The following ANK3 variants were observed in gnomAD, a reference collection of about 807,000 sequenced individuals.
The protein encoded by ANK3 is ankyrin-3.
In ANK3, 57 loss-of-function variants were observed where a neutral mutation model predicts 370.9. The ratio of observed to expected loss-of-function variants is 0.15; its 90% CI spans 0.12 to 0.19. ANK3 has a LOEUF of 0.19. ANK3 is among the 10% of genes least tolerant of loss of function. The pLI is 1.00. For missense variants in ANK3, 4,439 were observed against 5,302.1 expected (o/e 0.84, Z 5.06); for synonymous variants, 1,929 against 1,946.3 (o/e 0.99, Z 0.23).
At chr10:60,162,405 T>A (rs1466650256) in intron 23 of ANK3, among the ~76,000 whole-genome samples, 1 of 152,168 alleles carries the variant, frequency 6.6e-6, no homozygotes, top group Admixed American at 6.5e-5. Flanking sequence ...CAATGTGTAT[T>A]TGGGCTTTCC....
chr10:60,382,797 C>CTATATATATATATATATATATATATA (rs5785442), intron 1 of ANK3, among the ~76,000 whole-genome samples: 2 of 133,744 alleles, frequency 1.5e-5, no homozygotes, highest in African/African-American at 2.7e-5. Flanking sequence ...ATACCTAAAT[C>CTATATATATATATATATATATATATA]TATATATATA....
At chr10:60,176,053 C>A (rs947652460) in intron 18 of ANK3, among the ~76,000 whole-genome samples, 1 of 151,878 alleles carries the variant, frequency 6.6e-6, no homozygotes, top group African/African-American at 2.4e-5. Context: ...AAAGATCAGG[C>A]CGGGTGTGGT....
chr10:60,284,314 T>C (rs2098211966), intron 1 of ANK3, among the ~76,000 whole-genome samples: 1 of 152,148 alleles, frequency 6.6e-6, no homozygotes, highest in African/African-American at 2.4e-5. Flanking sequence ...TAATACATTT[T>C]GATTATTTTA....
intron 43 of ANK3, among the ~76,000 whole-genome samples, chr10:60,032,602 C>T (rs767598664): frequency 1.1e-4 from 17 of 152,112 alleles, no homozygotes; most frequent in Admixed American, 2.0e-4. Context: ...AGGTTAATTT[C>T]GTAATGAGTA....
intron 2 of ANK3, among the ~76,000 whole-genome samples, chr10:60,475,638 C>T (rs925263848): frequency 3.9e-5 from 6 of 152,110 alleles, no homozygotes; most frequent in Admixed American, 2.6e-4. Context: ...GATCAGGAAA[C>T]AAAACCCAGT....
chr10:60,183,324 T>C (rs1381480064), intron 17 of ANK3, among the ~76,000 whole-genome samples: 1 of 152,230 alleles, frequency 6.6e-6, no homozygotes, highest in Non-Finnish European at 1.5e-5. Context: ...TTGATTTTTA[T>C]ATAACCAGTG....
intron 1 of ANK3, among the ~76,000 whole-genome samples, chr10:60,289,194 T>A (rs79852982): frequency 1.4e-3 from 208 of 151,662 alleles, no homozygotes; most frequent in African/African-American, 4.9e-3. Context: ...AAGATTAAGA[T>A]CTCAAGGCCA....
At chr10:60,352,382 A>G (rs1210709793) in intron 1 of ANK3, among the ~76,000 whole-genome samples, 1 of 152,166 alleles carries the variant, frequency 6.6e-6, no homozygotes, top group Non-Finnish European at 1.5e-5. Context: ...TTGCCTTTGG[A>G]CTTCATTCAC....
At chr10:60,076,930 C>T (rs1460213455) in intron 36 of ANK3, among the ~76,000 whole-genome samples, 2 of 152,184 alleles carry the variant, frequency 1.3e-5, no homozygotes, top group African/African-American at 4.8e-5. Flanking sequence ...CCTCTCTCTC[C>T]TTTAGCCTTT....
intron 1 of ANK3, among the ~76,000 whole-genome samples, chr10:60,298,990 T>C (rs772551365): frequency 6.6e-6 from 1 of 152,122 alleles, no homozygotes; most frequent in Non-Finnish European, 1.5e-5. Flanking sequence ...TTTGGATGGG[T>C]AAGTTGATTA....
rs41274674 is a variant in ANK3, at chr10:60,072,868, G to A, written c.8013C>T (p.Ser2671=). The change falls in exon 37 of 44, where the codon AGC becomes AGT. Residue 2671 remains serine (S), a synonymous_variant. Coordinates refer to ENST00000280772, the MANE Select transcript of ANK3 (RefSeq NM_020987.5). The stretch of plus-strand genomic sequence containing the variant: ...GGGAGAGAACCATCTTCTCTGGGCT[G>A]CTGGGCAGACTGGGTGCCTTCTCCT... The part of the protein sequence containing the change: ...KAEEKAPSLP[S]SPEKMVLSQQ... 0.041 allele frequency: 65,606 copies of A among 1,614,026 alleles called. 1,508 individuals are homozygous for A. Among genetic ancestry groups the A allele is most frequent in the African/African-American group, 0.059 (4,448 of 74,978 alleles).
chr10:60,278,723 ATTGT>A (rs2098123515), intron 4 of ANK3, 47 bp downstream of exon 4: 4 of 1,437,568 alleles, frequency 2.8e-6, no homozygotes, highest in South Asian at 2.3e-5. Flanking sequence ...CCCAAAGAAC[ATTGT>A]TTGTAAATGA....
rs980421244 is a variant in ANK3 at position 60,166,763 on chromosome 10, G to C, written c.2551+61C>G. On this transcript the variant is annotated intron_variant, in intron 22 of 43. Coordinates refer to ENST00000280772, the MANE Select transcript of ANK3 (RefSeq NM_020987.5). ...ACATTTTTGCAATGGACTTTCTTCAGGAAACAAACAAAATACACAGTCACT... is the reference window on the plus strand; with the variant it reads ...ACATTTTTGCAATGGACTTTCTTCACGAAACAAACAAAATACACAGTCACT... 3 of 1,596,748 alleles carry C rather than the reference G, an allele frequency of 1.9e-6. No individual in the cohort carries two copies. The African/African-American group carries it at 4.0e-5, about 21-fold the overall frequency.
chr10:60,665,177 T>G lies in ANK3; in HGVS notation c.58-49953A>C, dbSNP rs371613183. On this transcript the variant is annotated intron_variant, in intron 1 of 43. Transcript: ENST00000373827. ...CAATAAAATGAGGACAATACCTTCT[T>G]GAGGAACACTGGGGGCACAAAACAC... 1.5e-3 allele frequency among the ~76,000 whole-genome samples: 233 copies of G among 152,246 alleles called. 7 individuals are homozygous for G. In the South Asian group the frequency reaches 0.048, roughly 31 times the overall value.
At chr10:60,141,570 T>TTTTG (rs1565274373) in intron 23 of ANK3, among the ~76,000 whole-genome samples, 3 of 60,386 alleles carry the variant, frequency 5.0e-5, no homozygotes, top group Non-Finnish European at 8.3e-5. Context: ...TGTTTTTTTT[T>TTTTG]TTTTTTTTTT....
chr10:60,166,641 T>C lies in ANK3; in HGVS notation c.2564A>G (p.Asn855Ser). The change falls in exon 23 of 44, where the codon AAT (asparagine) becomes AGT (serine). Residue 855 changes from asparagine to serine, a missense_variant. By Grantham distance (46) the Asn-to-Ser change is conservative. Coordinates refer to ENST00000280772, the MANE Select transcript of ANK3 (RefSeq NM_020987.5). ...DMSDDEVRKANAPEMLSDGEY... is the reference protein window; with the variant it reads ...DMSDDEVRKASAPEMLSDGEY... ...GCCATCACTGAGCATTTCAGGGGCA[T>C]TGGCTTTACGAACTGCATGATTGAA... The C allele has an allele frequency of 1.2e-6, 2 of 1,613,838 alleles. No individual in the cohort carries two copies. Among genetic ancestry groups the C allele is most frequent in the Admixed American group, 1.7e-5 (1 of 60,014 alleles).
chr10:60,566,901 C>T (rs1233425625), intron 2 of ANK3, among the ~76,000 whole-genome samples: 1 of 152,062 alleles, frequency 6.6e-6, no homozygotes, highest in African/African-American at 2.4e-5. Flanking sequence ...AAACAAAAAC[C>T]AGCCACAGCA....
intron 1 of ANK3, among the ~76,000 whole-genome samples, chr10:60,708,399 A>G (rs1589058320): frequency 6.6e-6 from 1 of 152,338 alleles, no homozygotes; most frequent in South Asian, 2.1e-4. Context: ...AAATGGTCAA[A>G]ACAGAACCTC....
chr10:60,181,372 T>G lies in ANK3; in HGVS notation c.2141A>C (p.Glu714Ala). The G allele has an allele frequency of 1.9e-6, 3 of 1,614,206 alleles. No individual in the cohort carries two copies. The highest frequency in any genetic ancestry group is 2.5e-6 in the Non-Finnish European group (3 of 1,180,032). The change falls in exon 18 of 44, where the codon GAA becomes GCA. Residue 714 changes from glutamate to alanine, a missense_variant. Transcript: ENST00000280772. ...ATGAGCCCCTTGGTTTACGAGGACT[T>G]CTGCCACATTCACTCGATCTTCTTG... ...AAQEDRVNVA[E>A]VLVNQGAHVD...
Sources: gnomAD v4.1 joint callset for allele counts (sites outside exome capture counted in the v4.1 genomes callset) on GRCh38, gnomAD v4.1.1 for gene constraint, MANE v1.5 for transcripts, NCBI Gene and HGNC (gene_info 2026-07-23, HGNC 2026-07-21) for gene names.